PPP2R2D: variants seen among roughly 807,000 people sequenced by gnomAD.
The protein encoded by PPP2R2D is protein phosphatase 2 regulatory subunit Bdelta.
A neutral mutation model predicts 31.1 loss-of-function variants in PPP2R2D; 9 were observed. The ratio of observed to expected loss-of-function variants is 0.29; its 90% CI spans 0.17 to 0.51. The LOEUF is 0.51. PPP2R2D is among the 20% of genes least tolerant of loss of function. The pLI is 0.98. For missense variants in PPP2R2D, 391 were observed against 465.6 expected, an observed-to-expected ratio of 0.84 and a Z score of 1.48; for synonymous variants, 179 against 172.6, an observed-to-expected ratio of 1.04 and a Z score of -0.29.
intron 5 of PPP2R2D, among the ~76,000 whole-genome samples, chr10:131,943,645 G>A (rs912113060): frequency 6.6e-6 from 1 of 152,212 alleles, no homozygotes; most frequent in African/African-American, 2.4e-5. Flanking sequence ...CAGCGCCTCA[G>A]TGTGGCCACT....
rs2036798632 is a variant in PPP2R2D, at chr10:131,956,355, G to C, written c.*392G>C. The C allele has an allele frequency of 1.0e-5, 10 of 987,560 alleles. No homozygotes were observed. The South Asian group carries it at 4.2e-4, about 42-fold the overall frequency. The allele number at this position is 987,560 out of a possible 1,614,324, so 61.2% of individuals were successfully genotyped here. On this transcript the variant is annotated 3_prime_UTR_variant, in exon 9 of 9. Coordinates refer to ENST00000455566, the MANE Select transcript of PPP2R2D (RefSeq NM_018461.5). ...CCCTCTTTCTCTGCCATCACACTTG[G>C]GCCTTCACTGCAGCGTGGTGTGGCC...
chr10:131,968,602 C>G, the PPP2R2D span: 1 of 1,551,388 alleles, frequency 6.4e-7, no homozygotes, highest in East Asian at 2.2e-5. Context: ...GTTAATGTAT[C>G]TTGTGATTCA....
chr10:131,919,823 A>G (rs1232546267), intron 2 of PPP2R2D, among the ~76,000 whole-genome samples: 2 of 140,172 alleles, frequency 1.4e-5, no homozygotes, highest in East Asian at 2.4e-4. Flanking sequence ...GTGGAGTGAC[A>G]GTGTTTGTAG....
intron 2 of PPP2R2D, among the ~76,000 whole-genome samples, chr10:131,923,090 A>G (rs1353578045): frequency 6.6e-5 from 10 of 152,194 alleles, no homozygotes; most frequent in Non-Finnish European, 1.3e-4. Flanking sequence ...TCTGAATTGG[A>G]TAATTCTAGA....
chr10:131,923,588 A>C (rs1275459085), intron 2 of PPP2R2D, among the ~76,000 whole-genome samples: 5 of 152,004 alleles, frequency 3.3e-5, no homozygotes, highest in African/African-American at 1.2e-4. Context: ...GTTTTTCTTC[A>C]CCTACGCTTG....
At chr10:131,939,853 G>A (rs2036411002) in intron 3 of PPP2R2D, 178 bp from the exon 4 acceptor site, 1 of 386,020 alleles carries the variant, frequency 2.6e-6, no homozygotes, top group African/African-American at 2.1e-5. Flanking sequence ...CGAAGAGTCG[G>A]AAATCAAGTT....
intron 2 of PPP2R2D, among the ~76,000 whole-genome samples, chr10:131,914,500 AG>A (rs1273205560): frequency 6.6e-6 from 1 of 152,246 alleles, no homozygotes; most frequent in Non-Finnish European, 1.5e-5. Flanking sequence ...TAGGACCCCA[AG>A]GTTCCACTTG....
intron 6 of PPP2R2D, among the ~76,000 whole-genome samples, chr10:131,944,367 C>T (rs1441161852): frequency 6.6e-6 from 1 of 152,048 alleles, no homozygotes; most frequent in Non-Finnish European, 1.5e-5. Flanking sequence ...ATGGGAATTA[C>T]CTGAAGTCCA....
intron 8 of PPP2R2D, among the ~76,000 whole-genome samples, chr10:131,952,003 C>G (rs1442954508): frequency 6.6e-6 from 1 of 151,048 alleles, no homozygotes; most frequent in Non-Finnish European, 1.5e-5. Context: ...AGAGGGGTCA[C>G]TCTCTTAGCA....
intron 2 of PPP2R2D, chr10:131,912,560 C>G (rs1188210507): frequency 6.6e-6 from 1 of 152,308 alleles, no homozygotes; most frequent in East Asian, 1.9e-4. Flanking sequence ...CTCAGCCATA[C>G]TCGAGCTCAT....
Position 131,945,645 on chromosome 10 carries a change from AG to A in PPP2R2D, c.820+187del. On this transcript the variant is annotated intron_variant, in intron 7 of 8. Transcript: ENST00000455566. This position sits in a 1 kb window ranked among gnomAD's most constrained non-coding sequence, Gnocchi z 4.8. ...CAGCTAGTTTTTGTATTTTTAGTAC[AG>A]ACAGGGTTTCACCATGTTGACCAGA... 2 of 662,378 alleles carry A rather than the reference AG, an allele frequency of 3.0e-6. No homozygotes were observed. Among genetic ancestry groups the A allele is most frequent in the Non-Finnish European group, 5.0e-6 (2 of 400,882 alleles). The allele number at this position is 662,378 out of a possible 1,614,324, so 41.0% of individuals were successfully genotyped here.
Position 131,958,037 on chromosome 10 carries a change from A to G in PPP2R2D, c.*2074A>G, listed in dbSNP as rs1358191756. 17 of 129,070 alleles carry G rather than the reference A, an allele frequency of 1.3e-4. No individual in the cohort carries two copies. The highest frequency in any genetic ancestry group is 4.0e-4 in the South Asian group (2 of 5,056). 8.0% of individuals were successfully genotyped at this position (129,070 alleles called of 1,614,324 possible). A position where few individuals can be genotyped will look rare whatever the true frequency, so the allele number is the denominator to read the frequency against. On this transcript the variant is annotated 3_prime_UTR_variant, in exon 9 of 9. Transcript: ENST00000455566. The stretch of plus-strand genomic sequence containing the variant: ...GATCCCCCGTCCCCCTGTGGAGATG[A>G]AGGTGTGTGCTGATCCCCCATCCCC...
At chr10:131,970,598 C>A in the PPP2R2D span, 1 of 1,604,640 alleles carries the variant, frequency 6.2e-7, no homozygotes, top group Admixed American at 1.7e-5. This position sits in a 1 kb window ranked among gnomAD's most constrained non-coding sequence, Gnocchi z 4.1. Flanking sequence ...AATCGCCCCA[C>A]GACATGCCAT....
chr10:131,935,676 A>G (rs1420757830), intron 3 of PPP2R2D, among the ~76,000 whole-genome samples: 4 of 152,178 alleles, frequency 2.6e-5, no homozygotes, highest in Non-Finnish European at 5.9e-5. Context: ...TTTGTGAATA[A>G]TAAGTATATC....
At chr10:131,907,093 C>T (rs1373162459) in intron 2 of PPP2R2D, among the ~76,000 whole-genome samples, 1 of 151,748 alleles carries the variant, frequency 6.6e-6, no homozygotes, top group Non-Finnish European at 1.5e-5. Flanking sequence ...GGGAAATGTA[C>T]TTAGAATCAA....
intron 3 of PPP2R2D, among the ~76,000 whole-genome samples, chr10:131,936,655 C>T (rs2036346543): frequency 6.6e-6 from 1 of 152,136 alleles, no homozygotes; most frequent in South Asian, 2.1e-4. Flanking sequence ...AAATATAAAA[C>T]AAACCCTGAT....
chr10:131,953,798 G>C (rs2036740289), intron 8 of PPP2R2D, among the ~76,000 whole-genome samples: 1 of 152,022 alleles, frequency 6.6e-6, no homozygotes, highest in South Asian at 2.1e-4. Flanking sequence ...TGTCTTAGCA[G>C]TGACTTGCGG....
At chr10:131,905,387 C>T (rs2035565782) in intron 2 of PPP2R2D, among the ~76,000 whole-genome samples, 1 of 152,172 alleles carries the variant, frequency 6.6e-6, no homozygotes, top group Non-Finnish European at 1.5e-5. Flanking sequence ...ATCACCTTCA[C>T]CCAGCCCCTG....
chr10:131,963,615 G>A (rs976228226), downstream of PPP2R2D, among the ~76,000 whole-genome samples: 2 of 152,246 alleles, frequency 1.3e-5, no homozygotes, highest in South Asian at 2.1e-4. Flanking sequence ...ATTGCCACAC[G>A]TCGGACGCGG....
Sources: allele counts gnomAD v4.1 joint callset (sites outside exome capture counted in the v4.1 genomes callset), GRCh38; gene constraint gnomAD v4.1.1; non-coding constraint Gnocchi (gnomAD v3.1); transcripts MANE v1.5; gene names NCBI Gene and HGNC (gene_info 2026-07-23, HGNC 2026-07-21).